GALK2: variants seen among roughly 807,000 people sequenced by gnomAD.
GALK2 encodes the protein N-acetylgalactosamine kinase.
A neutral mutation model predicts 52.4 loss-of-function variants in GALK2; 36 were observed. The ratio of observed to expected loss-of-function variants is 0.69; its 90% CI spans 0.53 to 0.91. The LOEUF (loss-of-function observed/expected upper bound fraction) is 0.91, where lower values mean the gene tolerates loss of function less well. GALK2 is among the 40% of genes least tolerant of loss of function. The pLI is 0.00. For synonymous variants in GALK2, 176 were observed against 199.1 expected, an observed-to-expected ratio of 0.88 and a Z score of 0.98; for missense variants, 579 against 559.1, an observed-to-expected ratio of 1.04 and a Z score of -0.36.
chr15:49,358,005 G>A (rs969028644), intron 3 of GALK2, among the ~76,000 whole-genome samples: 1 of 151,972 alleles, frequency 6.6e-6, no homozygotes, highest in Non-Finnish European at 1.5e-5. Context: ...TATCTCAATA[G>A]ATGCAGAAAA....
intron 1 of GALK2, among the ~76,000 whole-genome samples, chr15:49,164,717 G>T (rs1247422093): frequency 1.4e-5 from 2 of 147,106 alleles, no homozygotes; most frequent in African/African-American, 5.1e-5. Context: ...GCAGGCGGAG[G>T]TTGCAGTGAG....
chr15:49,320,236 G>A (rs2036770755), intron 9 of GALK2, among the ~76,000 whole-genome samples: 1 of 152,174 alleles, frequency 6.6e-6, no homozygotes. Flanking sequence ...AAAACTGACA[G>A]AGGATCTCAA....
At chr15:49,365,614 A>G (rs1049319797) in intron 3 of GALK2, 11 of 1,100,362 alleles carry the variant, frequency 1.0e-5, no homozygotes, top group Non-Finnish European at 2.8e-6. Context: ...GAATGGTGTT[A>G]TGAAAACAAA....
intron 9 of GALK2, among the ~76,000 whole-genome samples, chr15:49,323,484 G>A (rs923831495): frequency 1.5e-4 from 23 of 152,108 alleles, no homozygotes; most frequent in Non-Finnish European, 3.1e-4. Context: ...ACCCTCCCTG[G>A]TCCACTTATG....
chr15:49,184,832 G>A (rs1462325720), intron 1 of GALK2, among the ~76,000 whole-genome samples: 1 of 151,972 alleles, frequency 6.6e-6, no homozygotes, highest in Non-Finnish European at 1.5e-5. Flanking sequence ...AGAAGTTATT[G>A]TAGTTATTAT....
At chr15:49,246,011 T>C (rs1046140412) in intron 5 of GALK2, among the ~76,000 whole-genome samples, 4 of 152,220 alleles carry the variant, frequency 2.6e-5, no homozygotes, top group African/African-American at 9.6e-5. Flanking sequence ...GTTTAGGTTT[T>C]AGGGTGTAAA....
At chr15:49,269,415 T>TTGTGC (rs1454014303) in intron 5 of GALK2, among the ~76,000 whole-genome samples, 6 of 151,970 alleles carry the variant, frequency 3.9e-5, no homozygotes, top group African/African-American at 1.5e-4. Context: ...GGGAGTAGAG[T>TTGTGC]TGTGCCCAAG....
intron 5 of GALK2, among the ~76,000 whole-genome samples, chr15:49,278,742 C>T (rs1283156079): frequency 6.6e-6 from 1 of 152,200 alleles, no homozygotes; most frequent in African/African-American, 2.4e-5. Context: ...AATAAACCCA[C>T]TCAGTTTCCT....
At chr15:49,340,892 G>A (rs757952040) in intron 3 of GALK2, among the ~76,000 whole-genome samples, 1 of 152,038 alleles carries the variant, frequency 6.6e-6, no homozygotes, top group Non-Finnish European at 1.5e-5. Context: ...TTCTTATAGT[G>A]TAAAGTCTTA....
rs1234002149 is a variant in GALK2 at position 49,330,404 on chromosome 15, C to T, written c.*2245C>T. Reference sequence around the variant, plus strand: ...CACAGAATGACTAAAAACTTGGGCTCCAAATCAGGAGATTGTACAAGCAGT... The same window carrying T: ...CACAGAATGACTAAAAACTTGGGCTTCAAATCAGGAGATTGTACAAGCAGT... On this transcript the variant is annotated 3_prime_UTR_variant, in exon 10 of 10. Transcript: ENST00000560031. The T allele has an allele frequency of 6.6e-6, 1 of 152,098 alleles. No homozygotes were observed. The highest frequency in any genetic ancestry group is 1.5e-5 in the Non-Finnish European group (1 of 68,022). 9.4% of individuals were successfully genotyped at this position (152,098 alleles called of 1,614,324 possible).
intron 2 of GALK2, among the ~76,000 whole-genome samples, chr15:49,214,579 A>G (rs1216250836): frequency 1.3e-5 from 2 of 149,280 alleles, no homozygotes; most frequent in Non-Finnish European, 3.0e-5. Context: ...TGACCTCGTG[A>G]TCTTCCTGCC....
chr15:49,315,465 T>C (rs75241420), intron 8 of GALK2, among the ~76,000 whole-genome samples: 1,650 of 152,252 alleles, frequency 0.011, 34 homozygotes, highest in African/African-American at 0.038. Context: ...TTTTGGTATC[T>C]GTATAACAGA....
intron 2 of GALK2, among the ~76,000 whole-genome samples, chr15:49,206,140 A>T (rs2088260953): frequency 6.6e-6 from 1 of 152,050 alleles, no homozygotes; most frequent in East Asian, 1.9e-4. Flanking sequence ...CTATGGCCTA[A>T]TGGTATAGTT....
intron 8 of GALK2, among the ~76,000 whole-genome samples, chr15:49,317,838 T>C (rs915565387): frequency 6.6e-5 from 10 of 152,160 alleles, no homozygotes; most frequent in Admixed American, 3.3e-4. Context: ...ATGTTCTCAC[T>C]CATAAGTGGG....
intron 5 of GALK2, among the ~76,000 whole-genome samples, chr15:49,261,680 T>C (rs1046973677): frequency 1.3e-5 from 2 of 151,942 alleles, no homozygotes; most frequent in African/African-American, 2.4e-5. Flanking sequence ...TTTTTGCCCA[T>C]TCAGTATGAT....
chr15:49,201,055 T>A (rs1225735111), intron 1 of GALK2, 107 bp from the exon 2 acceptor site: 20 of 183,768 alleles, frequency 1.1e-4, no homozygotes, highest in Non-Finnish European at 2.3e-4. Flanking sequence ...GCATATGGAG[T>A]GTGTGTGTGT....
At chr15:49,316,666 T>G (rs146343050) in intron 8 of GALK2, among the ~76,000 whole-genome samples, 1 of 152,032 alleles carries the variant, frequency 6.6e-6, no homozygotes, top group African/African-American at 2.4e-5. Context: ...AAAAAAATTA[T>G]TGGCTCATTA....
At chr15:49,347,480 T>C (rs1596358226) in intron 3 of GALK2, among the ~76,000 whole-genome samples, 2 of 152,184 alleles carry the variant, frequency 1.3e-5, no homozygotes, top group Non-Finnish European at 2.9e-5. Context: ...TCTTTGCTAT[T>C]AGATTGCTTA....
At chr15:49,365,894 G>A (rs1263411101) in intron 3 of GALK2, 2 of 966,428 alleles carry the variant, frequency 2.1e-6, no homozygotes, top group Non-Finnish European at 1.7e-6. Context: ...AGTGCAGCAA[G>A]AGAGTTGTAC....
Sources: gnomAD v4.1 joint callset for allele counts (sites outside exome capture counted in the v4.1 genomes callset) on GRCh38, gnomAD v4.1.1 for gene constraint, MANE v1.5 for transcripts, NCBI Gene and HGNC (gene_info 2026-07-23, HGNC 2026-07-21) for gene names.